Variants in ALDH9A1 observed in about 807,000 individuals in gnomAD.
ALDH9A1 encodes the protein aldehyde dehydrogenase 9 family member A1.
A neutral mutation model predicts 56.6 loss-of-function variants in ALDH9A1; 42 were observed. That is an observed-to-expected ratio of 0.74 (90% CI 0.58 to 0.96). The LOEUF is 0.96. Ranked by LOEUF, ALDH9A1 falls within the 40% of genes least tolerant of loss-of-function variation. ALDH9A1 has a pLI of 0.00. For missense variants in ALDH9A1, 661 were observed against 651.5 expected (o/e 1.01, Z -0.16); for synonymous variants, 242 against 236.0 (o/e 1.03, Z -0.23).
At chr1:165,694,861 CAGG>C (rs892092599) in intron 2 of ALDH9A1, among the ~76,000 whole-genome samples, 3 of 151,028 alleles carry the variant, frequency 2.0e-5, no homozygotes, top group Non-Finnish European at 4.4e-5. Context: ...GAAGCTGAGG[CAGG>C]AGAATTGCTT....
intron 2 of ALDH9A1, among the ~76,000 whole-genome samples, chr1:165,692,318 T>C (rs139770509): frequency 0.075 from 11,451 of 152,264 alleles, 1,224 homozygotes; most frequent in East Asian, 0.58. Context: ...GAAAACCCCA[T>C]TGTCTCAGCC....
chr1:165,662,747 G>A lies in ALDH9A1; in HGVS notation c.*303C>T, dbSNP rs1648881830. 3 of 285,526 alleles carry A rather than the reference G, an allele frequency of 1.1e-5. No homozygotes were observed. The highest frequency in any genetic ancestry group is 2.0e-5 in the Non-Finnish European group (3 of 150,112). The allele number at this position is 285,526 out of a possible 1,614,324, so 17.7% of individuals were successfully genotyped here. On this transcript the variant is annotated 3_prime_UTR_variant, in exon 11 of 11. Coordinates refer to ENST00000354775, the MANE Select transcript of ALDH9A1 (RefSeq NM_000696.4). ...ACATTATCAGTGGGCCAAATGTGTG[G>A]AAGATGTATTATCCTAGTCTCTTTT...
intron 6 of ALDH9A1, among the ~76,000 whole-genome samples, chr1:165,679,201 A>C (rs138091173): frequency 1.7e-4 from 26 of 152,356 alleles, no homozygotes; most frequent in Admixed American, 3.9e-4. Flanking sequence ...ATTTACTCTC[A>C]AGGTTCAGAA....
At chr1:165,686,574 G>C (rs555951123) in intron 2 of ALDH9A1, among the ~76,000 whole-genome samples, 2 of 150,834 alleles carry the variant, frequency 1.3e-5, no homozygotes, top group Non-Finnish European at 2.9e-5. Context: ...GTTCCCACCA[G>C]CCATGGTGAG....
intron 6 of ALDH9A1, 39 bp downstream of exon 6, chr1:165,679,401 TAG>T: frequency 6.2e-6 from 10 of 1,603,808 alleles, no homozygotes; most frequent in Non-Finnish European, 7.7e-6. Context: ...GATGAGGGGG[TAG>T]AGATTCCTTT....
Position 165,669,460 on chromosome 1 carries a change from A to T in ALDH9A1, c.931-10T>A, listed in dbSNP as rs1252750242. On this transcript the variant is annotated splice_polypyrimidine_tract_variant and intron_variant, in intron 6 of 10. Transcript: ENST00000354775. Reference sequence around the variant, plus strand: ...TGCCATTACAGCAAACCTAAAGGACAAACACAAGACATCAATTTCTATGTG... The same window carrying T: ...TGCCATTACAGCAAACCTAAAGGACTAACACAAGACATCAATTTCTATGTG... 6.3e-7 allele frequency: 1 copy of T among 1,599,472 alleles called. No homozygotes were observed. Among genetic ancestry groups the T allele is most frequent in the Non-Finnish European group, 8.5e-7 (1 of 1,173,994 alleles).
At position 165,686,506 on chromosome 1, in the gene ALDH9A1, T is replaced by A. The variant is rs7512816; in HGVS notation, c.328-3396A>T. Among the ~76,000 whole-genome samples, 993 of 148,904 alleles carry A rather than the reference T, an allele frequency of 6.7e-3. 13 individuals carry two copies. Among genetic ancestry groups the A allele is most frequent in the African/African-American group, 0.022 (871 of 40,450 alleles). On this transcript the variant is annotated intron_variant, in intron 2 of 10. Transcript: ENST00000354775. ...GGAAAAGGACTACCCAAGAAGAAAATGTTTTTTTTTTTAAAAAAAAAAGCC... is the reference window on the plus strand; with the variant it reads ...GGAAAAGGACTACCCAAGAAGAAAAAGTTTTTTTTTTTAAAAAAAAAAGCC...
chr1:165,669,678 GTTC>G, intron 6 of ALDH9A1, among the ~76,000 whole-genome samples: 1 of 152,196 alleles, frequency 6.6e-6, no homozygotes, highest in African/African-American at 2.4e-5. Context: ...GTAAAAGTTA[GTTC>G]TTATTTTGCT....
chr1:165,674,761 G>T (rs2101741668), intron 6 of ALDH9A1, among the ~76,000 whole-genome samples: 1 of 151,532 alleles, frequency 6.6e-6, no homozygotes, highest in Non-Finnish European at 1.5e-5. Flanking sequence ...ATATACCAAA[G>T]GAAATGAAAT....
intron 8 of ALDH9A1, 89 bp from the exon 9 acceptor site, chr1:165,667,539 C>G (rs1165461923): frequency 7.0e-7 from 1 of 1,434,716 alleles, no homozygotes; most frequent in African/African-American, 1.4e-5. Context: ...TCGGGTCTCA[C>G]TATGTTGCCC....
rs746880243 is a variant in ALDH9A1, at chr1:165,682,143, T to C, written c.556A>G (p.Ile186Val). 6.2e-7 allele frequency: 1 copy of C among 1,614,126 alleles called. No homozygotes were observed. The highest frequency in any genetic ancestry group is 2.2e-5 in the East Asian group (1 of 44,886). Reference protein sequence around the residue: ...GIGAWNYPFQIASWKSAPALA... With the variant: ...GIGAWNYPFQVASWKSAPALA... ...GCTGGAGCCGACTTCCAAGAGGCAA[T>C]CTGAAAGGGGTAGTTCCATGCTCCT... Residue 186 changes from isoleucine to valine, a missense_variant, in exon 4 of 11, where the codon ATT becomes GTT. By Grantham distance (29) the Ile-to-Val change is conservative. Coordinates refer to ENST00000354775, the MANE Select transcript of ALDH9A1 (RefSeq NM_000696.4).
At chr1:165,667,253 G>A in intron 9 of ALDH9A1, 56 bp downstream of exon 9, 1 of 1,603,438 alleles carries the variant, frequency 6.2e-7, no homozygotes, top group Non-Finnish European at 8.5e-7. Flanking sequence ...AAATATCTAA[G>A]CAGATACTGC....
chr1:165,677,504 G>C (rs1038898021), intron 6 of ALDH9A1, among the ~76,000 whole-genome samples: 3 of 152,112 alleles, frequency 2.0e-5, no homozygotes, highest in African/African-American at 4.8e-5. Flanking sequence ...AATAATGAGG[G>C]CATATCAAAA....
chr1:165,682,273 A>C, intron 3 of ALDH9A1, 32 bp from the exon 4 acceptor site: 1 of 1,606,938 alleles, frequency 6.2e-7, no homozygotes, highest in East Asian at 2.2e-5. Context: ...AGGAGGATGC[A>C]GGTCTGTGCT....
intron 6 of ALDH9A1, chr1:165,676,784 G>T: frequency 2.1e-6 from 1 of 480,054 alleles, no homozygotes; most frequent in Non-Finnish European, 4.1e-6. Context: ...TTCATGGCAT[G>T]ATAGGTATAA....
intron 6 of ALDH9A1, among the ~76,000 whole-genome samples, chr1:165,669,834 T>G (rs1649122086): frequency 6.6e-6 from 1 of 152,164 alleles, no homozygotes; most frequent in Non-Finnish European, 1.5e-5. Context: ...AACTGTGGTC[T>G]TAAATCTAAT....
At position 165,662,254 on chromosome 1, in the gene ALDH9A1, T is replaced by A. The variant is rs549829730; in HGVS notation, c.*796A>T. The A allele has an allele frequency of 5.3e-5, 8 of 152,346 alleles. No individual in the cohort carries two copies. Among genetic ancestry groups the A allele is most frequent in the African/African-American group, 1.9e-4 (8 of 41,582 alleles). The allele number at this position is 152,346 out of a possible 1,614,324, so 9.4% of individuals were successfully genotyped here. ...GTGATTTATTTTAATTTCACCATAT[T>A]ACATTAGCATACAAATAATTTGTAC... is the stretch of plus-strand genomic sequence containing the variant. On this transcript the variant is annotated 3_prime_UTR_variant, in exon 11 of 11. Coordinates refer to ENST00000354775, the MANE Select transcript of ALDH9A1 (RefSeq NM_000696.4).
chr1:165,663,946 C>T (rs933280121), intron 10 of ALDH9A1, among the ~76,000 whole-genome samples: 1 of 152,256 alleles, frequency 6.6e-6, no homozygotes, highest in Non-Finnish European at 1.5e-5. Flanking sequence ...ATAGCATGGT[C>T]TGGTCCAAAG....
chr1:165,695,963 T>C (rs1158266222), intron 1 of ALDH9A1, among the ~76,000 whole-genome samples: 1 of 152,128 alleles, frequency 6.6e-6, no homozygotes, highest in Admixed American at 6.5e-5. Context: ...GCAATTCTCC[T>C]GCCTCAGCCT....
Sources: allele counts gnomAD v4.1 joint callset (sites outside exome capture counted in the v4.1 genomes callset), GRCh38; gene constraint gnomAD v4.1.1; transcripts MANE v1.5; gene names NCBI Gene and HGNC (gene_info 2026-07-23, HGNC 2026-07-21).